EME2: variants seen among roughly 807,000 people sequenced by gnomAD.
The protein encoded by EME2 is structure-specific endonuclease subunit EME2.
EME2 carries 58 observed loss-of-function variants against 41.9 expected under a neutral mutation model. That is an observed-to-expected ratio of 1.38 (90% CI 1.12 to 1.72). EME2 has a LOEUF of 1.72. Among genes scored for constraint, EME2 ranks in the 40% most tolerant of loss-of-function variants. EME2 has a pLI of 0.00. For synonymous variants in EME2, 334 were observed against 239.3 expected (o/e 1.40, Z -3.65); for missense variants, 695 against 541.9 (o/e 1.28, Z -2.81).
At position 1,775,817 on chromosome 16, in the gene EME2, C is replaced by A; in HGVS notation, c.800C>A (p.Ala267Asp). Reference sequence around the variant, plus strand: ...CCCAGGCAGTACCGGGAATCCCAGGCCTTCTCCTTCTGCACAGCAGGGCGC... The same window carrying A: ...CCCAGGCAGTACCGGGAATCCCAGGACTTCTCCTTCTGCACAGCAGGGCGC... ...YPLKQYRESQ[A>D]FSFCTAGRWA... is the part of the protein sequence containing the mutation. The change falls in exon 7 of 8, where the codon GCC (alanine) becomes GAC (aspartate). Residue 267 changes from alanine to aspartate, a missense_variant. Transcript: ENST00000568449. 3.1e-6 allele frequency: 5 copies of A among 1,612,584 alleles called. No individual in the cohort carries two copies. Among genetic ancestry groups the A allele is most frequent in the Non-Finnish European group, 4.2e-6 (5 of 1,179,846 alleles).
In EME2 at chr16:1,772,949, G is replaced by A; in HGVS notation, c.-279G>A. 1 of 1,448,408 alleles carries A rather than the reference G, an allele frequency of 6.9e-7. No homozygotes were observed. 89.7% of individuals were successfully genotyped at this position (1,448,408 alleles called of 1,614,324 possible). On this transcript the variant is annotated 5_prime_UTR_variant, in exon 1 of 8. Transcript: ENST00000568449. ...GCAAGAGGCGGCTCTCGCGGCGCAC[G>A]TCGGCCCAGGCCCGGACCGGCAGCC... is the stretch of plus-strand genomic sequence containing the variant.
In EME2 at chr16:1,775,032, C is replaced by T. The variant is rs1337254864; in HGVS notation, c.478-9C>T. On this transcript the variant is annotated splice_polypyrimidine_tract_variant and intron_variant, in intron 3 of 7. Coordinates refer to ENST00000568449, the MANE Select transcript of EME2 (RefSeq NM_001257370.2). Reference sequence around the variant, plus strand: ...TGTGAACAACTGTGCCACACGTTCTCATCTTCAGATCTCTGGCCCAACCCA... The same window carrying T: ...TGTGAACAACTGTGCCACACGTTCTTATCTTCAGATCTCTGGCCCAACCCA... The T allele has an allele frequency of 1.2e-6, 2 of 1,605,680 alleles. No homozygotes were observed. The highest frequency in any genetic ancestry group is 1.7e-6 in the Non-Finnish European group (2 of 1,177,778).
chr16:1,777,566 G>A lies in EME2; in HGVS notation c.*1328G>A. On this transcript the variant is annotated 3_prime_UTR_variant, in exon 8 of 8. Coordinates refer to ENST00000568449, the MANE Select transcript of EME2 (RefSeq NM_001257370.2). Reference sequence around the variant, plus strand: ...GCTGGCACAGCTGAGGCAAGGCAGGGTGCACGCGCTGGCCCTGCCACTCCA... The same window carrying A: ...GCTGGCACAGCTGAGGCAAGGCAGGATGCACGCGCTGGCCCTGCCACTCCA... 1 of 1,345,450 alleles carries A rather than the reference G, an allele frequency of 7.4e-7. No homozygotes were observed. The allele number at this position is 1,345,450 out of a possible 1,614,324, so 83.3% of individuals were successfully genotyped here. A position where few individuals can be genotyped will look rare whatever the true frequency, so the allele number is the denominator to read the frequency against.
At chr16:1,774,737 G>A (rs2042683110) in intron 3 of EME2, among the ~76,000 whole-genome samples, 1 of 152,246 alleles carries the variant, frequency 6.6e-6, no homozygotes, top group South Asian at 2.1e-4. Flanking sequence ...CAGGATCAGT[G>A]TCTCTCAAGC....
rs747972453 is a variant in EME2, at chr16:1,778,326, AAG to A, written c.*2093_*2094del. 9 of 1,611,922 alleles carry A rather than the reference AAG, an allele frequency of 5.6e-6. No individual in the cohort carries two copies. Among genetic ancestry groups the A allele is most frequent in the Non-Finnish European group, 5.9e-6 (7 of 1,179,934 alleles). ...CATCCCAGACCCAGTCGAAATCTGC[AAG>A]AGAGGCCCAGGCTGGGGCAGCCCTG... On this transcript the variant is annotated 3_prime_UTR_variant, in exon 8 of 8. Transcript: ENST00000568449.
In EME2 at chr16:1,772,948, C is replaced by A. The variant is rs780734714; in HGVS notation, c.-280C>A. On this transcript the variant is annotated 5_prime_UTR_variant, in exon 1 of 8. Coordinates refer to ENST00000568449, the MANE Select transcript of EME2 (RefSeq NM_001257370.2). ...TGCAAGAGGCGGCTCTCGCGGCGCA[C>A]GTCGGCCCAGGCCCGGACCGGCAGC... The A allele has an allele frequency of 1.2e-5, 18 of 1,446,506 alleles. No individual in the cohort carries two copies. In the South Asian group the frequency reaches 2.3e-4, roughly 18 times the overall value. The allele number at this position is 1,446,506 out of a possible 1,614,324, so 89.6% of individuals were successfully genotyped here.
Position 1,781,359 on chromosome 16 carries a change from T to C in EME2, c.*5121T>C, listed in dbSNP as rs910269200. On this transcript the variant is annotated 3_prime_UTR_variant, in exon 8 of 8. Coordinates refer to ENST00000568449, the MANE Select transcript of EME2 (RefSeq NM_001257370.2). ...TCCGCCTCGCCCGCTGGAACCTACCTGCCCATCAGAGTCGTAGCCCCAGTT... is the reference window on the plus strand; with the variant it reads ...TCCGCCTCGCCCGCTGGAACCTACCCGCCCATCAGAGTCGTAGCCCCAGTT... The C allele has an allele frequency of 6.2e-7, 1 of 1,612,760 alleles. No individual in the cohort carries two copies. The highest frequency in any genetic ancestry group is 8.5e-7 in the Non-Finnish European group (1 of 1,180,008).
In EME2 at chr16:1,780,883, C is replaced by A. The variant is rs532809345; in HGVS notation, c.*4645C>A. On this transcript the variant is annotated 3_prime_UTR_variant, in exon 8 of 8. Transcript: ENST00000568449. ...GAGTCGTTGGGACTACAGGCACGTG[C>A]CACCACGCCTGACACATTTTTTAAA... 6.0e-5 allele frequency: 20 copies of A among 330,836 alleles called. No homozygotes were observed. The highest frequency in any genetic ancestry group is 4.5e-4 in the South Asian group (19 of 41,808). 20.5% of individuals were successfully genotyped at this position (330,836 alleles called of 1,614,324 possible). A position where few individuals can be genotyped will look rare whatever the true frequency, so the allele number is the denominator to read the frequency against.
chr16:1,781,162 G>C lies in EME2; in HGVS notation c.*4924G>C. The C allele has an allele frequency of 6.5e-7, 1 of 1,530,610 alleles. No homozygotes were observed. The highest frequency in any genetic ancestry group is 8.7e-7 in the Non-Finnish European group (1 of 1,143,434). 94.8% of individuals were successfully genotyped at this position (1,530,610 alleles called of 1,614,324 possible). On this transcript the variant is annotated 3_prime_UTR_variant, in exon 8 of 8. Transcript: ENST00000568449. Reference sequence around the variant, plus strand: ...GAGGTCCTGTCACCCCTGAGGCTGTGTGTGTCCTTTGCCAAATTAAAGAGT... The same window carrying C: ...GAGGTCCTGTCACCCCTGAGGCTGTCTGTGTCCTTTGCCAAATTAAAGAGT...
At position 1,781,622 on chromosome 16, in the gene EME2, TC is replaced by T; in HGVS notation, c.*5386del. 1.0e-6 allele frequency: 1 copy of T among 1,001,588 alleles called. No homozygotes were observed. Among genetic ancestry groups the T allele is most frequent in the Non-Finnish European group, 1.4e-6 (1 of 689,760 alleles). 62.0% of individuals were successfully genotyped at this position (1,001,588 alleles called of 1,614,324 possible). A position where few individuals can be genotyped will look rare whatever the true frequency, so the allele number is the denominator to read the frequency against. ...GGCCGCACCGGTGCCCAGCCAGGGC[TC>T]CAGAACGCTTCAGGAGCCCGTACCT... On this transcript the variant is annotated 3_prime_UTR_variant, in exon 8 of 8. Coordinates refer to ENST00000568449, the MANE Select transcript of EME2 (RefSeq NM_001257370.2).
Position 1,774,336 on chromosome 16 carries a change from T to A in EME2, c.461T>A (p.Val154Asp). The A allele has an allele frequency of 6.2e-7, 1 of 1,612,718 alleles. No homozygotes were observed. Among genetic ancestry groups the A allele is most frequent in the Non-Finnish European group, 8.5e-7 (1 of 1,179,904 alleles). Residue 154 changes from valine to aspartate, a missense_variant, in exon 3 of 8, where the codon GTC becomes GAC. Physicochemically the swap from Val to Asp is radical, Grantham distance 152 (BLOSUM62 -3). Transcript: ENST00000568449. Reference sequence around the variant, plus strand: ...GAGCCCGAGGAGTTTCTGCAGGGCGTCGCCACACTGACCCAGGTGCTCGGG... The same window carrying A: ...GAGCCCGAGGAGTTTCTGCAGGGCGACGCCACACTGACCCAGGTGCTCGGG... Reference protein sequence around the residue: ...LLEPEEFLQGVATLTQISGPT... With the variant: ...LLEPEEFLQGDATLTQISGPT...
intron 2 of EME2, 147 bp downstream of exon 2, chr16:1,773,988 A>T: frequency 8.8e-7 from 1 of 1,141,186 alleles, no homozygotes; most frequent in Non-Finnish European, 1.2e-6. Context: ...CGGGAAGTGG[A>T]GGTGCCCAAG....
In EME2 at chr16:1,772,972, G is replaced by A. The variant is rs964367525; in HGVS notation, c.-256G>A. Reference sequence around the variant, plus strand: ...ACGTCGGCCCAGGCCCGGACCGGCAGCCGGCGTCCAGAGAACGGCCGCGTC... The same window carrying A: ...ACGTCGGCCCAGGCCCGGACCGGCAACCGGCGTCCAGAGAACGGCCGCGTC... On this transcript the variant is annotated 5_prime_UTR_variant, in exon 1 of 8. Transcript: ENST00000568449. 64 of 1,448,698 alleles carry A rather than the reference G, an allele frequency of 4.4e-5. No homozygotes were observed. Among genetic ancestry groups the A allele is most frequent in the Non-Finnish European group, 5.6e-5 (62 of 1,103,528 alleles). 89.7% of individuals were successfully genotyped at this position (1,448,698 alleles called of 1,614,324 possible). A position where few individuals can be genotyped will look rare whatever the true frequency, so the allele number is the denominator to read the frequency against.
chr16:1,776,141 G>A lies in EME2; in HGVS notation c.1043G>A (p.Gly348Asp). The A allele has an allele frequency of 1.2e-6, 2 of 1,612,298 alleles. No individual in the cohort carries two copies. Among genetic ancestry groups the A allele is most frequent in the Non-Finnish European group, 8.5e-7 (1 of 1,179,906 alleles). The part of the protein sequence containing the change: ...LADLPVPPSE[G>D]GRPRRVGPDL... ...GACCTTCCTGTGCCGCCCAGTGAAG[G>A]CGGGCGTCCCCGCAGGGTGGGGCCT... Residue 348 changes from glycine (G) to aspartate (D), a missense_variant, in exon 8 of 8, where the codon GGC (glycine) becomes GAC (aspartate). Coordinates refer to ENST00000568449, the MANE Select transcript of EME2 (RefSeq NM_001257370.2).
At position 1,777,688 on chromosome 16, in the gene EME2, G is replaced by A. The variant is rs1567229701; in HGVS notation, c.*1450G>A. On this transcript the variant is annotated 3_prime_UTR_variant, in exon 8 of 8. Transcript: ENST00000568449. ...CTCAGTGTCCCCTGGGCTGGGGCGG[G>A]GTGGCTGCCTCCCTCGGGGTGACAG... The A allele has an allele frequency of 3.8e-6, 6 of 1,597,236 alleles. No individual in the cohort carries two copies. Among genetic ancestry groups the A allele is most frequent in the East Asian group, 4.5e-5 (2 of 44,602 alleles).
chr16:1,777,209 A>G lies in EME2; in HGVS notation c.*971A>G, dbSNP rs2042727178. ...TGGAGCCTTGCGGCGGCTGCAACTC[A>G]TGCTCAGGACCCAGCCCAGCTTGTT... On this transcript the variant is annotated 3_prime_UTR_variant, in exon 8 of 8. Transcript: ENST00000568449. 7 of 1,610,490 alleles carry G rather than the reference A, an allele frequency of 4.3e-6. No homozygotes were observed. Among genetic ancestry groups the G allele is most frequent in the Non-Finnish European group, 5.1e-6 (6 of 1,179,812 alleles).
Position 1,777,210 on chromosome 16 carries a change from T to C in EME2, c.*972T>C, listed in dbSNP as rs1162946677. 1.2e-6 allele frequency: 2 copies of C among 1,610,514 alleles called. No homozygotes were observed. Among genetic ancestry groups the C allele is most frequent in the Admixed American group, 1.7e-5 (1 of 60,016 alleles). On this transcript the variant is annotated 3_prime_UTR_variant, in exon 8 of 8. Coordinates refer to ENST00000568449, the MANE Select transcript of EME2 (RefSeq NM_001257370.2). Reference sequence around the variant, plus strand: ...GGAGCCTTGCGGCGGCTGCAACTCATGCTCAGGACCCAGCCCAGCTTGTTG... The same window carrying C: ...GGAGCCTTGCGGCGGCTGCAACTCACGCTCAGGACCCAGCCCAGCTTGTTG...
chr16:1,774,122 T>C, intron 2 of EME2, 138 bp from the exon 3 acceptor site: 1 of 805,604 alleles, frequency 1.2e-6, no homozygotes, highest in Non-Finnish European at 2.0e-6. Context: ...AAGGGAACAC[T>C]GGGCTTCTGT....
chr16:1,773,530 C>A, intron 1 of EME2, 56 bp downstream of exon 1: 1 of 1,542,112 alleles, frequency 6.5e-7, no homozygotes, highest in Non-Finnish European at 8.7e-7. Context: ...CTCCGCCAGG[C>A]GGCGCCCTCT....
Sources: gnomAD v4.1 joint callset for allele counts (sites outside exome capture counted in the v4.1 genomes callset) on GRCh38, gnomAD v4.1.1 for gene constraint, MANE v1.5 for transcripts, NCBI Gene and HGNC (gene_info 2026-07-23, HGNC 2026-07-21) for gene names.